Variants in RBFOX3 observed in about 807,000 individuals in gnomAD.
The protein encoded by RBFOX3 is RNA binding fox-1 homolog 3.
RBFOX3 carries 17 observed loss-of-function variants against 48.7 expected under a neutral mutation model. The observed-to-expected ratio is 0.35, with a 90% CI of 0.24 to 0.52. The LOEUF is 0.52. Ranked by LOEUF, RBFOX3 falls within the 20% of genes least tolerant of loss-of-function variation. The pLI is 0.94. For missense variants in RBFOX3, 382 were observed against 497.5 expected (o/e 0.77, Z 2.21); for synonymous variants, 212 against 209.5 (o/e 1.01, Z -0.10).
intron 4 of RBFOX3, among the ~76,000 whole-genome samples, chr17:79,209,193 T>C (rs1567844791): frequency 6.6e-6 from 1 of 152,220 alleles, no homozygotes; most frequent in Non-Finnish European, 1.5e-5. Flanking sequence ...TGGTTGGTGA[T>C]GTGGCTGGGC....
At chr17:79,384,229 G>A (rs1023154246) in intron 2 of RBFOX3, among the ~76,000 whole-genome samples, 1 of 152,134 alleles carries the variant, frequency 6.6e-6, no homozygotes, top group African/African-American at 2.4e-5. Flanking sequence ...TGGGGACCCC[G>A]GTAAGGGGAG....
intron 2 of RBFOX3, among the ~76,000 whole-genome samples, chr17:79,348,310 A>G (rs2083247410): frequency 6.6e-6 from 1 of 152,200 alleles, no homozygotes; most frequent in South Asian, 2.1e-4. Flanking sequence ...GTTTGTCCCA[A>G]GGCAATAGTG....
intron 1 of RBFOX3, among the ~76,000 whole-genome samples, chr17:79,558,992 G>A (rs1355758498): frequency 6.6e-6 from 1 of 152,166 alleles, no homozygotes; most frequent in African/African-American, 2.4e-5. Flanking sequence ...CAGCTGAGGG[G>A]CAGCAGCTGG....
At chr17:79,615,012 A>C (rs1369898745), upstream of RBFOX3, among the ~76,000 whole-genome samples, 1 of 152,138 alleles carries the variant, frequency 6.6e-6, no homozygotes, top group Admixed American at 6.5e-5. Context: ...CACAAAATCG[A>C]TGGAAATGAT....
At chr17:79,181,962 AACACACACACACACACAC>A (rs56842759) in intron 4 of RBFOX3, among the ~76,000 whole-genome samples, 13 of 148,388 alleles carry the variant, frequency 8.8e-5, no homozygotes, top group Non-Finnish European at 1.2e-4. Context: ...GTCTCCAAGA[AACACACACACACACACAC>A]ACACACACAC....
intron 4 of RBFOX3, among the ~76,000 whole-genome samples, chr17:79,151,142 G>A (rs1472695564): frequency 6.6e-6 from 1 of 152,034 alleles, no homozygotes; most frequent in Non-Finnish European, 1.5e-5. Context: ...TGATCCTCGC[G>A]CTGCTCCCCC....
At chr17:79,277,517 A>G (rs2069186205) in intron 3 of RBFOX3, among the ~76,000 whole-genome samples, 2 of 152,226 alleles carry the variant, frequency 1.3e-5, no homozygotes, top group Non-Finnish European at 1.5e-5. Flanking sequence ...CCGAAACACC[A>G]TAAATTAACC....
rs2058740626 is a variant in RBFOX3 at position 79,214,370 on chromosome 17, T to A, written c.-34+21396A>T. On this transcript the variant is annotated intron_variant, in intron 4 of 14. Transcript: ENST00000693108. This position sits in a 1 kb window ranked among gnomAD's most constrained non-coding sequence, Gnocchi z 4.7. ...GAGGAAAGCCCTGTCTCCTCATTAA[T>A]TAGACAAGCCCTCCCGCCCGCAGGT... Among the ~76,000 whole-genome samples the A allele has an allele frequency of 6.6e-6, 1 of 152,218 alleles. No individual in the cohort carries two copies. Among genetic ancestry groups the A allele is most frequent in the South Asian group, 2.1e-4 (1 of 4,832 alleles).
chr17:79,246,997 A>ACC (rs1442179178), intron 3 of RBFOX3, among the ~76,000 whole-genome samples: 4 of 152,160 alleles, frequency 2.6e-5, no homozygotes, highest in African/African-American at 4.8e-5. Flanking sequence ...AACAATTTAG[A>ACC]CATGTCCTTT....
At chr17:79,175,215 G>A (rs2050275132) in intron 4 of RBFOX3, among the ~76,000 whole-genome samples, 2 of 152,238 alleles carry the variant, frequency 1.3e-5, no homozygotes, top group African/African-American at 4.8e-5. Flanking sequence ...AACAGCGCTT[G>A]GGCAGCATGA....
intron 3 of RBFOX3, among the ~76,000 whole-genome samples, chr17:79,251,266 A>G (rs1008231646): frequency 2.6e-5 from 4 of 152,058 alleles, no homozygotes; most frequent in African/African-American, 9.6e-5. Context: ...GATCTCTGGC[A>G]CCTCCTAGAT....
At position 79,242,353 on chromosome 17, in the gene RBFOX3, G is replaced by A. The variant is rs1236105114; in HGVS notation, c.-73-6548C>T. 6.6e-6 allele frequency among the ~76,000 whole-genome samples: 1 copy of A among 152,174 alleles called. No homozygotes were observed. The highest frequency in any genetic ancestry group is 1.5e-5 in the Non-Finnish European group (1 of 68,042). ...TGTTTGTGCTCTTTCCCTAAGGGGA[G>A]CTGGAGGTGAAGGGTGCAATTTTAT... On this transcript the variant is annotated intron_variant, in intron 3 of 14. Transcript: ENST00000693108. This position sits in a 1 kb window ranked among gnomAD's most constrained non-coding sequence, Gnocchi z 5.8.
chr17:79,149,581 C>T (rs1294728653), intron 4 of RBFOX3, among the ~76,000 whole-genome samples: 1 of 152,008 alleles, frequency 6.6e-6, no homozygotes, highest in African/African-American at 2.4e-5. Context: ...GGTCCGTGGA[C>T]GATTCCTCCT....
chr17:79,592,409 G>T (rs1032491805), intron 1 of RBFOX3, among the ~76,000 whole-genome samples: 149,835 of 152,018 alleles, frequency 0.99, 73,860 homozygotes, highest in African/African-American at 0.99. Context: ...GTGTAGTATG[G>T]GCACACGTGT....
chr17:79,403,613 C>T (rs560356699), intron 2 of RBFOX3, among the ~76,000 whole-genome samples: 126 of 152,256 alleles, frequency 8.3e-4, no homozygotes, highest in African/African-American at 2.8e-3. Flanking sequence ...CGGACAGCTT[C>T]GGTGGGAAAG....
chr17:79,403,546 A>T (rs949089790), intron 2 of RBFOX3, among the ~76,000 whole-genome samples: 2 of 152,188 alleles, frequency 1.3e-5, no homozygotes, highest in East Asian at 3.9e-4. Context: ...CCACAGGTCC[A>T]GCTTCCACAG....
chr17:79,538,968 G>C (rs2089276068), intron 1 of RBFOX3, among the ~76,000 whole-genome samples: 1 of 152,152 alleles, frequency 6.6e-6, no homozygotes, highest in African/African-American at 2.4e-5. Context: ...CAAACAACCA[G>C]TAAACACACG....
intron 2 of RBFOX3, among the ~76,000 whole-genome samples, chr17:79,474,767 G>A (rs937843812): frequency 5.9e-5 from 9 of 151,878 alleles, no homozygotes; most frequent in African/African-American, 2.2e-4. Context: ...CCTGCTGCCC[G>A]CCCACTGGCC....
At chr17:79,357,856 TC>T (rs558748399) in intron 2 of RBFOX3, among the ~76,000 whole-genome samples, 246 of 151,860 alleles carry the variant, frequency 1.6e-3, no homozygotes, top group African/African-American at 5.7e-3. Context: ...CCAATTAAGT[TC>T]ATTTTTTTAA....
Sources: allele counts gnomAD v4.1 joint callset (sites outside exome capture counted in the v4.1 genomes callset), GRCh38; gene constraint gnomAD v4.1.1; non-coding constraint Gnocchi (gnomAD v3.1); transcripts MANE v1.5; gene names NCBI Gene and HGNC (gene_info 2026-07-23, HGNC 2026-07-21).